Variants in ZFYVE9 observed in about 807,000 individuals in gnomAD.
ZFYVE9 encodes the protein zinc finger FYVE-type containing 9.
Under a neutral mutation model 126.7 loss-of-function variants are expected in ZFYVE9, and 43 were observed. The observed-to-expected ratio is 0.34, with a 90% CI of 0.27 to 0.44. ZFYVE9 has a LOEUF of 0.44. Among genes scored for constraint, ZFYVE9 ranks in the 20% least tolerant of loss-of-function variants. The pLI is 1.00. For missense variants in ZFYVE9, 1,476 were observed against 1,697.0 expected (o/e 0.87, Z 2.29); for synonymous variants, 521 against 597.4 (o/e 0.87, Z 1.87).
intron 13 of ZFYVE9, among the ~76,000 whole-genome samples, chr1:52,307,634 G>A (rs1255378338): frequency 2.0e-5 from 3 of 152,108 alleles, no homozygotes; most frequent in Admixed American, 6.5e-5. Context: ...CGTTTATGGT[G>A]TGCAGGTTCA....
intron 10 of ZFYVE9, 88 bp downstream of exon 10, chr1:52,281,904 G>T: frequency 6.7e-7 from 1 of 1,485,806 alleles, no homozygotes; most frequent in South Asian, 1.2e-5. Context: ...CTTAACTTTG[G>T]ACTTAAGCAT....
chr1:52,192,286 T>G (rs558492081), intron 1 of ZFYVE9, among the ~76,000 whole-genome samples: 1 of 152,336 alleles, frequency 6.6e-6, no homozygotes, highest in African/African-American at 2.4e-5. Flanking sequence ...GATACCAAGG[T>G]AAGTTTGACA....
chr1:52,242,053 T>TTTG (rs1645339319), intron 4 of ZFYVE9, among the ~76,000 whole-genome samples: 1 of 149,182 alleles, frequency 6.7e-6, no homozygotes, highest in Non-Finnish European at 1.5e-5. Context: ...TTTTTTTTTT[T>TTTG]TGAGACAGAG....
chr1:52,198,120 GTTTGTTTT>G (rs952950988), intron 1 of ZFYVE9, among the ~76,000 whole-genome samples: 1 of 111,082 alleles, frequency 9.0e-6, no homozygotes, highest in African/African-American at 3.5e-5. Flanking sequence ...GTTTTTTTTT[GTTTGTTTT>G]TTTTTTTTTT....
At chr1:52,214,632 G>T (rs573559222) in intron 1 of ZFYVE9, among the ~76,000 whole-genome samples, 1 of 151,938 alleles carries the variant, frequency 6.6e-6, no homozygotes, top group South Asian at 2.1e-4. Context: ...TTTGTATTAG[G>T]GTTCTGTAAA....
chr1:52,266,829 A>C lies in ZFYVE9; in HGVS notation c.2453A>C (p.Glu818Ala), dbSNP rs776180544. ...PVGVLKHPGAEVAQPREQRRV... is the reference protein window; with the variant it reads ...PVGVLKHPGAAVAQPREQRRV... ...GGAGTTTTAAAGCACCCTGGAGCAG[A>C]AGGTAGGGGATCATGTGCTATTCTC... is the stretch of plus-strand genomic sequence containing the variant. The change falls in exon 6 of 19, where the codon GAA (glutamate) becomes GCA (alanine). Residue 818 changes from glutamate (E) to alanine (A), a missense_variant and splice_region_variant. By Grantham distance (107) the Glu-to-Ala change is moderately radical. Transcript: ENST00000287727. The C allele has an allele frequency of 6.3e-7, 1 of 1,594,622 alleles. No homozygotes were observed. The highest frequency in any genetic ancestry group is 8.5e-7 in the Non-Finnish European group (1 of 1,172,148).
intron 4 of ZFYVE9, among the ~76,000 whole-genome samples, chr1:52,248,466 A>G (rs530281873): frequency 6.6e-6 from 1 of 152,296 alleles, no homozygotes; most frequent in African/African-American, 2.4e-5. Flanking sequence ...CTCCCAGTCC[A>G]CTGACTCAAA....
In ZFYVE9 at chr1:52,266,784, C is replaced by A; in HGVS notation, c.2408C>A (p.Pro803His). 6.2e-7 allele frequency: 1 copy of A among 1,610,850 alleles called. No individual in the cohort carries two copies. Among genetic ancestry groups the A allele is most frequent in the Non-Finnish European group, 8.5e-7 (1 of 1,178,564 alleles). Reference sequence around the variant, plus strand: ...TCAGGAGCTCTGAGCTCTCCACCTCCCACTGTGATGGTACCTGTGGGAGTT... The same window carrying A: ...TCAGGAGCTCTGAGCTCTCCACCTCACACTGTGATGGTACCTGTGGGAGTT... ...QASGALSSPP[P>H]TVMVPVGVLK... The change falls in exon 6 of 19, where the codon CCC becomes CAC. Residue 803 changes from proline (P) to histidine (H), a missense_variant. By Grantham distance (77) the Pro-to-His change is moderately conservative (BLOSUM62 -2). Around this residue, in one of 2 missense-constraint regions of ZFYVE9, gnomAD observed 669 missense variants for 902.4 expected, o/e 0.74. Transcript: ENST00000287727.
At chr1:52,220,809 G>A (rs185453553) in intron 2 of ZFYVE9, among the ~76,000 whole-genome samples, 12 of 152,232 alleles carry the variant, frequency 7.9e-5, no homozygotes, top group South Asian at 4.2e-4. Flanking sequence ...GATGGGGATC[G>A]CAGCTGGAGG....
At position 52,238,046 on chromosome 1, in the gene ZFYVE9, A is replaced by C. The variant is rs1557473392; in HGVS notation, c.629A>C (p.Glu210Ala). The C allele has an allele frequency of 1.2e-6, 2 of 1,614,046 alleles. No homozygotes were observed. Among genetic ancestry groups the C allele is most frequent in the Non-Finnish European group, 8.5e-7 (1 of 1,179,960 alleles). ...TCCACTGAAAAAGATATGAATTCAG[A>C]GAAACAAATGGATCCATTGAATAGA... ...NESTEKDMNS[E>A]KQMDPLNRPK... Residue 210 changes from glutamate to alanine, a missense_variant, in exon 4 of 19, where the codon GAG (glutamate) becomes GCG (alanine). Glu to Ala is a moderately radical substitution (Grantham distance 107). Around this residue, in one of 2 missense-constraint regions of ZFYVE9, gnomAD observed 807 missense variants for 794.6 expected, o/e 1.02. Coordinates refer to ENST00000287727, the MANE Select transcript of ZFYVE9 (RefSeq NM_004799.4).
chr1:52,164,757 G>A (rs1280654889), intron 1 of ZFYVE9, among the ~76,000 whole-genome samples: 1 of 152,184 alleles, frequency 6.6e-6, no homozygotes, highest in African/African-American at 2.4e-5. Context: ...ATAGATGATT[G>A]CTGCTTTCCT....
Position 52,234,961 on chromosome 1 carries a change from A to G in ZFYVE9, c.70+1685A>G, listed in dbSNP as rs573791908. On this transcript the variant is annotated intron_variant, in intron 3 of 18. Coordinates refer to ENST00000287727, the MANE Select transcript of ZFYVE9 (RefSeq NM_004799.4). ...TGCTTCTAGAATACCACTGACTCTA[A>G]TAAAACTCTTAGTTCATTACATTTG... Among the ~76,000 whole-genome samples, 5 of 152,344 alleles carry G rather than the reference A, an allele frequency of 3.3e-5. No individual in the cohort carries two copies. In the East Asian group the frequency reaches 9.6e-4, roughly 29 times the overall value.
Position 52,281,653 on chromosome 1 carries a change from A to G in ZFYVE9, c.2870-8A>G. 1 of 1,612,238 alleles carries G rather than the reference A, an allele frequency of 6.2e-7. No homozygotes were observed. The highest frequency in any genetic ancestry group is 1.1e-5 in the South Asian group (1 of 90,760). On this transcript the variant is annotated splice_polypyrimidine_tract_variant and splice_region_variant and intron_variant, in intron 9 of 18. Coordinates refer to ENST00000287727, the MANE Select transcript of ZFYVE9 (RefSeq NM_004799.4). ...GTCTTTATTTTTGTGTTTTTATTCC[A>G]TCTGTAGATGTGAACAGGAAGTGCT...
intron 1 of ZFYVE9, among the ~76,000 whole-genome samples, chr1:52,147,198 A>G (rs1250326357): frequency 6.6e-6 from 1 of 152,210 alleles, no homozygotes; most frequent in African/African-American, 2.4e-5. Context: ...GGGATACTCA[A>G]CGCATAAAGT....
At position 52,197,320 on chromosome 1, in the gene ZFYVE9, T is replaced by C. The variant is rs558859167; in HGVS notation, c.-142-19049T>C. 1.6e-4 allele frequency among the ~76,000 whole-genome samples: 24 copies of C among 152,164 alleles called. No homozygotes were observed. In the South Asian group the frequency reaches 5.0e-3, roughly 32 times the overall value. Reference sequence around the variant, plus strand: ...AGAGAATAGAGAAGAAAACATTGATTAGTATGAAAATAGATGTATGTGTTG... The same window carrying C: ...AGAGAATAGAGAAGAAAACATTGATCAGTATGAAAATAGATGTATGTGTTG... On this transcript the variant is annotated intron_variant, in intron 1 of 18. Transcript: ENST00000287727.
At chr1:52,191,131 G>C (rs1431341270) in intron 1 of ZFYVE9, among the ~76,000 whole-genome samples, 1 of 152,012 alleles carries the variant, frequency 6.6e-6, no homozygotes, top group Non-Finnish European at 1.5e-5. Context: ...GTAGAGTCAG[G>C]GTTTCACCAT....
intron 1 of ZFYVE9, among the ~76,000 whole-genome samples, chr1:52,148,354 G>A (rs1182337084): frequency 6.6e-6 from 1 of 151,934 alleles, no homozygotes; most frequent in South Asian, 2.1e-4. Context: ...ACTATATGGT[G>A]GCAGATACCT....
At chr1:52,335,239 G>A (rs1646378047) in intron 15 of ZFYVE9, 1 of 154,032 alleles carries the variant, frequency 6.5e-6, no homozygotes, top group African/African-American at 2.4e-5. Flanking sequence ...GTTATTCATT[G>A]TGTTTTGATT....
At chr1:52,266,377 A>G (rs1389441083) in intron 5 of ZFYVE9, among the ~76,000 whole-genome samples, 3 of 142,004 alleles carry the variant, frequency 2.1e-5, no homozygotes, top group Admixed American at 1.5e-4. Flanking sequence ...GATTAGAAGC[A>G]TGAGCCACCA....
Sources: gnomAD v4.1 joint callset for allele counts (sites outside exome capture counted in the v4.1 genomes callset) on GRCh38, gnomAD v4.1.1 for gene constraint, gnomAD v4.1.1 regional missense constraint, MANE v1.5 for transcripts, NCBI Gene and HGNC (gene_info 2026-07-23, HGNC 2026-07-21) for gene names.